The following CNTN1 variants were observed in gnomAD, a reference collection of about 807,000 sequenced individuals.
CNTN1 encodes contactin 1.
In CNTN1, 38 loss-of-function variants were observed where a neutral mutation model predicts 126.4. That is an observed-to-expected ratio of 0.30 (90% CI 0.23 to 0.39). CNTN1 has a LOEUF of 0.39. CNTN1 is among the 10% of genes least tolerant of loss of function. The probability of loss-of-function intolerance (pLI) is 1.00; values close to 1 mark genes in which losing one functional copy is unlikely to be tolerated. For missense variants in CNTN1, 1,009 were observed against 1,248.4 expected, an observed-to-expected ratio of 0.81 and a Z score of 2.89; for synonymous variants, 413 against 422.6, an observed-to-expected ratio of 0.98 and a Z score of 0.28.
rs1255206640 is a variant in CNTN1, at chr12:40,773,658, CATATATATATATAT to C, written c.-77+81068_-77+81081del. On this transcript the variant is annotated intron_variant, in intron 1 of 23. Transcript: ENST00000551295. ...GTATATATATATATATATATATACACATATATATATATATACACATATATATATATATATACACA... is the reference window on the plus strand; with the variant it reads ...GTATATATATATATATATATATACACACACATATATATATATATATACACA... 0.019 allele frequency among the ~76,000 whole-genome samples: 157 copies of C among 8,290 alleles called. 4 individuals are homozygous for C. In the East Asian group the frequency reaches 0.38, roughly 20 times the overall value. The allele number at this position is 8,290 out of a possible 152,430, so 5.4% of individuals were successfully genotyped here.
At chr12:40,729,629 G>A (rs1484799563) in intron 1 of CNTN1, 9 of 223,916 alleles carry the variant, frequency 4.0e-5, no homozygotes, top group South Asian at 3.2e-4. Flanking sequence ...AAGCTATTGC[G>A]AGCATGGAGT....
rs564102047 is a variant in CNTN1, at chr12:40,993,066, A to G, written c.1964-54A>G. ...ATAGTAAAATAAAAAGGGAAGTTAT[A>G]AAAGTGATAAGTTAATCAACCTGTA... On this transcript the variant is annotated intron_variant, in intron 16 of 23. Transcript: ENST00000551295. The G allele has an allele frequency of 1.3e-4, 190 of 1,514,924 alleles. 3 individuals are homozygous for G. In the South Asian group the frequency reaches 1.8e-3, roughly 15 times the overall value. 93.8% of individuals were successfully genotyped at this position (1,514,924 alleles called of 1,614,324 possible).
intron 1 of CNTN1, among the ~76,000 whole-genome samples, chr12:40,811,572 T>G (rs79718422): frequency 0.014 from 2,082 of 152,270 alleles, 46 homozygotes; most frequent in African/African-American, 0.044. Context: ...GATAACTGAT[T>G]AGATTGCCTT....
At chr12:40,702,522 G>A (rs1321960622) in intron 1 of CNTN1, among the ~76,000 whole-genome samples, 3 of 151,924 alleles carry the variant, frequency 2.0e-5, no homozygotes, top group Admixed American at 2.0e-4. Flanking sequence ...TCGGCTCCCC[G>A]CAACCTCTGC....
chr12:40,832,635 T>A (rs988054499), intron 1 of CNTN1, among the ~76,000 whole-genome samples: 3 of 152,210 alleles, frequency 2.0e-5, no homozygotes, highest in African/African-American at 7.2e-5. Flanking sequence ...AACTGTATTG[T>A]ATTAACCATG....
chr12:40,773,676 C>CAT (rs1320206131), intron 1 of CNTN1, among the ~76,000 whole-genome samples: 802 of 10,936 alleles, frequency 0.073, 14 homozygotes, highest in African/African-American at 0.13. Context: ...TATATATACA[C>CAT]ATATATATAT....
chr12:40,909,754 A>G (rs1286891930), intron 2 of CNTN1, among the ~76,000 whole-genome samples: 1 of 151,590 alleles, frequency 6.6e-6, no homozygotes, highest in Non-Finnish European at 1.5e-5. Context: ...ATTTACATAT[A>G]TATAATGTAA....
intron 23 of CNTN1, among the ~76,000 whole-genome samples, chr12:41,036,159 C>T (rs1949257844): frequency 6.6e-6 from 1 of 152,038 alleles, no homozygotes; most frequent in Non-Finnish European, 1.5e-5. Flanking sequence ...CAAATCATGA[C>T]AAGATCTTTT....
intron 1 of CNTN1, among the ~76,000 whole-genome samples, chr12:40,825,584 T>G (rs1941586796): frequency 6.6e-6 from 1 of 152,154 alleles, no homozygotes; most frequent in South Asian, 2.1e-4. Context: ...GAAAGATCGT[T>G]TAAGTGTTTT....
chr12:41,019,182 A>G (rs1948852323), intron 19 of CNTN1, among the ~76,000 whole-genome samples: 1 of 152,194 alleles, frequency 6.6e-6, no homozygotes, highest in Admixed American at 6.5e-5. Context: ...CAACAATGAA[A>G]TATGATAACT....
intron 1 of CNTN1, among the ~76,000 whole-genome samples, chr12:40,767,455 T>C (rs1210496827): frequency 4.7e-5 from 7 of 149,970 alleles, no homozygotes; most frequent in South Asian, 2.1e-4. Context: ...ACTACAGGCG[T>C]GCACCACCTC....
At chr12:41,032,608 A>G (rs546859807) in intron 23 of CNTN1, among the ~76,000 whole-genome samples, 1 of 152,074 alleles carries the variant, frequency 6.6e-6, no homozygotes, top group Non-Finnish European at 1.5e-5. Flanking sequence ...TTGGCATGTT[A>G]GTTTCATTCT....
chr12:40,979,991 A>C (rs1418434668), intron 15 of CNTN1, among the ~76,000 whole-genome samples: 3 of 152,140 alleles, frequency 2.0e-5, no homozygotes, highest in Non-Finnish European at 4.4e-5. Flanking sequence ...ATTATTTTCT[A>C]TATATTATAT....
At chr12:40,995,837 A>G (rs972612732) in intron 17 of CNTN1, among the ~76,000 whole-genome samples, 9 of 152,244 alleles carry the variant, frequency 5.9e-5, no homozygotes, top group African/African-American at 1.7e-4. Flanking sequence ...ACTCATTACT[A>G]TAGTTTACAC....
In CNTN1 at chr12:40,997,450, T is replaced by C. The variant is rs187531389; in HGVS notation, c.2113+4181T>C. Among the ~76,000 whole-genome samples the C allele has an allele frequency of 1.2e-4, 18 of 152,360 alleles. No individual in the cohort carries two copies. The East Asian group carries it at 3.3e-3, about 28-fold the overall frequency. ...TTCTTTCATTTAGTATTCTTTCTCATTCTTTCTTTTTTCTTTCTCTTTTTC... is the reference window on the plus strand; with the variant it reads ...TTCTTTCATTTAGTATTCTTTCTCACTCTTTCTTTTTTCTTTCTCTTTTTC... On this transcript the variant is annotated intron_variant, in intron 17 of 23. Coordinates refer to ENST00000551295, the MANE Select transcript of CNTN1 (RefSeq NM_001843.4).
At chr12:40,923,051 G>C (rs1945507673) in intron 5 of CNTN1, among the ~76,000 whole-genome samples, 11 of 151,372 alleles carry the variant, frequency 7.3e-5, no homozygotes, top group African/African-American at 2.7e-4. Flanking sequence ...CTAAGGGGGT[G>C]AAAATTGTCT....
chr12:40,908,303 C>T, intron 1 of CNTN1, 54 bp from the exon 2 acceptor site: 1 of 647,296 alleles, frequency 1.5e-6, no homozygotes, highest in South Asian at 1.9e-5. Context: ...CCCCTTCCTT[C>T]CCCTCTCCTT....
At chr12:40,766,164 T>G (rs891749075) in intron 1 of CNTN1, among the ~76,000 whole-genome samples, 5 of 151,846 alleles carry the variant, frequency 3.3e-5, no homozygotes, top group Admixed American at 1.3e-4. Context: ...TCGAGATCAG[T>G]CTGGCCATCA....
intron 1 of CNTN1, among the ~76,000 whole-genome samples, chr12:40,865,686 T>C (rs965741222): frequency 2.0e-5 from 3 of 152,068 alleles, no homozygotes; most frequent in African/African-American, 2.4e-5. Flanking sequence ...GATCTATATG[T>C]CTATTATTAC....
Sources: allele counts gnomAD v4.1 joint callset (sites outside exome capture counted in the v4.1 genomes callset), GRCh38; gene constraint gnomAD v4.1.1; transcripts MANE v1.5; gene names NCBI Gene and HGNC (gene_info 2026-07-23, HGNC 2026-07-21).